The following IER3IP1 variants were observed in gnomAD, a reference collection of about 807,000 sequenced individuals.
IER3IP1 encodes immediate early response 3 interacting protein 1, also known as immediate early response 3-interacting protein 1.
IER3IP1 carries 16 observed loss-of-function variants against 12.2 expected under a neutral mutation model. The ratio of observed to expected loss-of-function variants is 1.31; its 90% confidence interval spans 0.89 to 1.99. IER3IP1 has a LOEUF of 1.99. Ranked by LOEUF, IER3IP1 falls within the 30% of genes most tolerant of loss-of-function variation. The probability of loss-of-function intolerance (pLI) is 0.00; values close to 1 mark genes in which losing one functional copy is unlikely to be tolerated. For synonymous variants in IER3IP1, 42 were observed against 40.0 expected (o/e 1.05, Z -0.19); for missense variants, 95 against 95.8 (o/e 0.99, Z 0.03).
At chr18:47,163,070 T>G (rs1446790447) in intron 1 of IER3IP1, among the ~76,000 whole-genome samples, 2 of 152,114 alleles carry the variant, frequency 1.3e-5, no homozygotes, top group East Asian at 3.8e-4. Flanking sequence ...AAACCATAGA[T>G]AGTACCAAAC....
At chr18:47,173,923 C>G (rs2064023054) in intron 1 of IER3IP1, among the ~76,000 whole-genome samples, 1 of 152,210 alleles carries the variant, frequency 6.6e-6, no homozygotes, top group African/African-American at 2.4e-5. Context: ...GCGTGTGCAT[C>G]TGTGTGTCTC....
rs917583706 is a variant in IER3IP1, at chr18:47,154,276, T to G, written c.*1901A>C. The G allele has an allele frequency of 6.6e-6, 1 of 152,208 alleles. No homozygotes were observed. Among genetic ancestry groups the G allele is most frequent in the African/African-American group, 2.4e-5 (1 of 41,444 alleles). 9.4% of individuals were successfully genotyped at this position (152,208 alleles called of 1,614,324 possible). A position where few individuals can be genotyped will look rare whatever the true frequency, so the allele number is the denominator to read the frequency against. ...GAAACCAGGGCTGACCAGTGAAAGC[T>G]TACAGACCCCTCTTCAGCCACAAAC... is the stretch of plus-strand genomic sequence containing the variant. On this transcript the variant is annotated 3_prime_UTR_variant, in exon 3 of 3. Coordinates refer to ENST00000256433, the MANE Select transcript of IER3IP1 (RefSeq NM_016097.5).
chr18:47,156,790 G>GT (rs34039061), intron 2 of IER3IP1: 1,650 of 102,934 alleles, frequency 0.016, 43 homozygotes, highest in African/African-American at 0.035. Flanking sequence ...TTCTTTTCTG[G>GT]TTTTTTTTTT....
At chr18:47,173,139 T>C (rs1441223947) in intron 1 of IER3IP1, among the ~76,000 whole-genome samples, 1 of 152,222 alleles carries the variant, frequency 6.6e-6, no homozygotes, top group Non-Finnish European at 1.5e-5. Flanking sequence ...GCGTATCTCA[T>C]AGAAATCTCA....
At chr18:47,159,842 GCT>G (rs1221100856) in intron 1 of IER3IP1, among the ~76,000 whole-genome samples, 1 of 151,788 alleles carries the variant, frequency 6.6e-6, no homozygotes, top group Non-Finnish European at 1.5e-5. Flanking sequence ...GGTGGCACTT[GCT>G]CTTTTTGAAA....
At chr18:47,169,549 C>T (rs2064008352) in intron 1 of IER3IP1, among the ~76,000 whole-genome samples, 2 of 152,086 alleles carry the variant, frequency 1.3e-5, no homozygotes, top group Non-Finnish European at 2.9e-5. Context: ...ATTCCAATTT[C>T]TTCACCACCT....
chr18:47,168,753 A>T (rs1249333068), intron 1 of IER3IP1, among the ~76,000 whole-genome samples: 1 of 152,252 alleles, frequency 6.6e-6, no homozygotes, highest in Non-Finnish European at 1.5e-5. Flanking sequence ...GTGAAACTGT[A>T]GGACCATAGA....
intron 2 of IER3IP1, 178 bp downstream of exon 2, chr18:47,157,258 T>G: frequency 1.7e-6 from 1 of 604,060 alleles, no homozygotes; most frequent in Non-Finnish European, 2.9e-6. Context: ...TAGATAGAAG[T>G]AAGAAGCAAA....
chr18:47,158,375 G>C (rs1180985485), intron 1 of IER3IP1, among the ~76,000 whole-genome samples: 1 of 151,850 alleles, frequency 6.6e-6, no homozygotes, highest in Non-Finnish European at 1.5e-5. Context: ...CACCCTGCTG[G>C]AGTTGCCCAG....
chr18:47,164,735 T>C (rs930965190), intron 1 of IER3IP1, among the ~76,000 whole-genome samples: 1 of 151,240 alleles, frequency 6.6e-6, no homozygotes, highest in Non-Finnish European at 1.5e-5. Flanking sequence ...TGAGCTGTGA[T>C]CATGCTACTG....
At chr18:47,167,993 G>A (rs984226369) in intron 1 of IER3IP1, among the ~76,000 whole-genome samples, 2 of 151,614 alleles carry the variant, frequency 1.3e-5, no homozygotes, top group Admixed American at 1.3e-4. Flanking sequence ...GCGTGGTGGC[G>A]GCAGCACCTG....
At chr18:47,173,644 T>A (rs1301576294) in intron 1 of IER3IP1, among the ~76,000 whole-genome samples, 1 of 152,198 alleles carries the variant, frequency 6.6e-6, no homozygotes, top group Admixed American at 6.5e-5. Flanking sequence ...CCTCTACTTT[T>A]AAAATATCTT....
At chr18:47,170,489 C>T (rs1324262035) in intron 1 of IER3IP1, among the ~76,000 whole-genome samples, 1 of 151,926 alleles carries the variant, frequency 6.6e-6, no homozygotes, top group African/African-American at 2.4e-5. Context: ...ATATTAAGTA[C>T]TATCATCTTA....
chr18:47,173,021 G>A (rs1244752004), intron 1 of IER3IP1, among the ~76,000 whole-genome samples: 1 of 152,076 alleles, frequency 6.6e-6, no homozygotes, highest in African/African-American at 2.4e-5. Context: ...CTTCTCACAT[G>A]ACTTCATTTA....
chr18:47,162,102 T>C (rs1247214135), intron 1 of IER3IP1, among the ~76,000 whole-genome samples: 1 of 152,136 alleles, frequency 6.6e-6, no homozygotes, highest in African/African-American at 2.4e-5. Flanking sequence ...CACCTCCTGC[T>C]GGGTGGCCCA....
Position 47,176,188 on chromosome 18 carries a change from GTTC to G in IER3IP1, c.87_89del (p.Lys29del). 1 of 1,593,382 alleles carries G rather than the reference GTTC, an allele frequency of 6.3e-7. No individual in the cohort carries two copies. The highest frequency in any genetic ancestry group is 8.5e-7 in the Non-Finnish European group (1 of 1,170,118). On this transcript the variant is annotated inframe_deletion and splice_region_variant, in exon 1 of 3. Coordinates refer to ENST00000256433, the MANE Select transcript of IER3IP1 (RefSeq NM_016097.5). ...CCCGCGCCCCGCGGTCCCACTCACT[GTTC>G]TTGAGGAATCGCTCCTCGTGCAGCA...
At chr18:47,170,969 C>T (rs72909204) in intron 1 of IER3IP1, among the ~76,000 whole-genome samples, 1,834 of 152,154 alleles carry the variant, frequency 0.012, 21 homozygotes, top group Non-Finnish European at 0.019. Context: ...CATCAGGGAA[C>T]GAATTTAGTG....
At chr18:47,167,893 G>A (rs998844546) in intron 1 of IER3IP1, among the ~76,000 whole-genome samples, 6 of 151,892 alleles carry the variant, frequency 4.0e-5, no homozygotes, top group Non-Finnish European at 5.9e-5. Context: ...GGAAGCCGAC[G>A]CGGGTGGATC....
chr18:47,157,687 A>G, intron 1 of IER3IP1, 150 bp from the exon 2 acceptor site: 2 of 707,528 alleles, frequency 2.8e-6, no homozygotes, highest in Non-Finnish European at 5.0e-6. Flanking sequence ...AATGAGTTAA[A>G]TATTTGTTTT....
Sources: gnomAD v4.1 joint callset for allele counts (sites outside exome capture counted in the v4.1 genomes callset) on GRCh38, gnomAD v4.1.1 for gene constraint, MANE v1.5 for transcripts, NCBI Gene and HGNC (gene_info 2026-07-23, HGNC 2026-07-21) for gene names.